Variants in TANGO6 observed in about 807,000 individuals in gnomAD.
The protein encoded by TANGO6 is transport and golgi organization 6 homolog.
TANGO6 carries 90 observed loss-of-function variants against 114.2 expected under a neutral mutation model. The ratio of observed to expected loss-of-function variants is 0.79; its 90% CI spans 0.66 to 0.94. The LOEUF (loss-of-function observed/expected upper bound fraction) is 0.94. TANGO6 is among the 40% of genes least tolerant of loss of function. The probability of loss-of-function intolerance (pLI) is 0.00; values close to 1 mark genes in which losing one functional copy is unlikely to be tolerated. For synonymous variants in TANGO6, 477 were observed against 509.8 expected (o/e 0.94, Z 0.87); for missense variants, 1,274 against 1,315.3 (o/e 0.97, Z 0.49).
At chr16:69,032,058 A>G (rs539690418) in intron 16 of TANGO6, among the ~76,000 whole-genome samples, 1 of 152,144 alleles carries the variant, frequency 6.6e-6, no homozygotes, top group Admixed American at 6.6e-5. Flanking sequence ...GTGAGTGCAG[A>G]GGCCCTGCGA....
chr16:69,006,017 C>T (rs964979507), intron 15 of TANGO6, among the ~76,000 whole-genome samples: 2 of 152,206 alleles, frequency 1.3e-5, no homozygotes, highest in African/African-American at 2.4e-5. Flanking sequence ...ATTAAATGGC[C>T]GGCTTTGAAG....
intron 17 of TANGO6, among the ~76,000 whole-genome samples, chr16:69,058,877 A>C (rs1436791741): frequency 6.7e-6 from 1 of 148,736 alleles, no homozygotes; most frequent in African/African-American, 2.5e-5. Flanking sequence ...CGTGTTAGCC[A>C]GAATGGTCTT....
chr16:68,934,278 TAAGC>T (rs1214948456), intron 14 of TANGO6, among the ~76,000 whole-genome samples: 1 of 152,002 alleles, frequency 6.6e-6, no homozygotes, highest in Admixed American at 6.6e-5. Flanking sequence ...CTCCTAGACT[TAAGC>T]AATCCTCTTA....
chr16:69,051,442 G>A (rs1432508943), intron 17 of TANGO6, among the ~76,000 whole-genome samples: 1 of 152,222 alleles, frequency 6.6e-6, no homozygotes, highest in African/African-American at 2.4e-5. Context: ...TTGGGAGGCT[G>A]AGGTGGGCAG....
chr16:68,898,122 A>G (rs1305865014), intron 7 of TANGO6, among the ~76,000 whole-genome samples: 1 of 152,072 alleles, frequency 6.6e-6, no homozygotes, highest in Non-Finnish European at 1.5e-5. Flanking sequence ...AAAGCCGAAC[A>G]ATAGGTCTTT....
At chr16:68,981,490 C>T (rs1047978292) in intron 15 of TANGO6, among the ~76,000 whole-genome samples, 1 of 152,092 alleles carries the variant, frequency 6.6e-6, no homozygotes, top group South Asian at 2.1e-4. Flanking sequence ...GAATTACAGG[C>T]GTGAGCCACT....
At chr16:69,000,174 A>G (rs1470972318) in intron 15 of TANGO6, among the ~76,000 whole-genome samples, 1 of 152,222 alleles carries the variant, frequency 6.6e-6, no homozygotes, top group East Asian at 1.9e-4. Flanking sequence ...ATTTTGGAAC[A>G]CATACCAGTA....
chr16:68,859,000 A>T (rs560760747), intron 1 of TANGO6, among the ~76,000 whole-genome samples: 1 of 152,156 alleles, frequency 6.6e-6, no homozygotes, highest in African/African-American at 2.4e-5. Context: ...TCTTAATGCC[A>T]TTGTAGTCAG....
intron 15 of TANGO6, among the ~76,000 whole-genome samples, chr16:68,998,707 G>A (rs1160181641): frequency 1.3e-5 from 2 of 150,396 alleles, no homozygotes; most frequent in Admixed American, 1.3e-4. Context: ...CTCCAGCCTG[G>A]GTGACAGAGT....
intron 17 of TANGO6, among the ~76,000 whole-genome samples, chr16:69,048,513 C>T (rs1959897508): frequency 6.6e-6 from 1 of 152,018 alleles, no homozygotes; most frequent in African/African-American, 2.4e-5. Flanking sequence ...AAGCAATCCT[C>T]CTGCCTTAGC....
intron 15 of TANGO6, among the ~76,000 whole-genome samples, chr16:68,977,429 C>A (rs1228707238): frequency 2.7e-5 from 4 of 150,578 alleles, no homozygotes; most frequent in Non-Finnish European, 5.9e-5. Flanking sequence ...CGTGGTGGCT[C>A]ACGCCTGTAA....
chr16:69,043,823 A>G (rs1216775678), intron 17 of TANGO6, among the ~76,000 whole-genome samples: 1 of 152,158 alleles, frequency 6.6e-6, no homozygotes, highest in Non-Finnish European at 1.5e-5. Context: ...CTCCCAAGCT[A>G]TAGAGTGCCA....
chr16:68,849,061 G>A (rs190755655), intron 1 of TANGO6, among the ~76,000 whole-genome samples: 2 of 152,330 alleles, frequency 1.3e-5, no homozygotes, highest in East Asian at 3.9e-4. Flanking sequence ...TGGGCCGAGT[G>A]CAGTGGCTAA....
At chr16:69,006,276 G>A (rs1376606703) in intron 15 of TANGO6, among the ~76,000 whole-genome samples, 1 of 152,122 alleles carries the variant, frequency 6.6e-6, no homozygotes, top group Non-Finnish European at 1.5e-5. Flanking sequence ...TGGTCTCTGA[G>A]TTTTTGGGAG....
intron 16 of TANGO6, among the ~76,000 whole-genome samples, chr16:69,025,468 CA>C (rs1394058414): frequency 1.3e-5 from 2 of 151,920 alleles, no homozygotes; most frequent in Non-Finnish European, 2.9e-5. Flanking sequence ...TGTGAGTATG[CA>C]AAAAAGGTTA....
chr16:69,062,022 A>C (rs910472271), intron 17 of TANGO6, among the ~76,000 whole-genome samples: 1 of 152,222 alleles, frequency 6.6e-6, no homozygotes, highest in Non-Finnish European at 1.5e-5. Context: ...TCCATCTCAA[A>C]AAAGAAAAAA....
At chr16:68,875,426 A>T in intron 5 of TANGO6, 136 bp downstream of exon 5, 1 of 1,117,542 alleles carries the variant, frequency 8.9e-7, no homozygotes, top group Non-Finnish European at 1.2e-6. Context: ...AGCCTTCTTA[A>T]TAAATGAATA....
chr16:69,024,752 T>C (rs1448347694), intron 16 of TANGO6, among the ~76,000 whole-genome samples: 1 of 152,202 alleles, frequency 6.6e-6, no homozygotes, highest in African/African-American at 2.4e-5. Context: ...TTAAGTTTTT[T>C]TTTGGAAGAA....
chr16:69,043,226 T>A (rs1959799738), intron 17 of TANGO6, among the ~76,000 whole-genome samples: 2 of 151,678 alleles, frequency 1.3e-5, no homozygotes, highest in African/African-American at 4.8e-5. Context: ...ACTCTGTAAG[T>A]GCACACACCC....
Sources: allele counts gnomAD v4.1 joint callset (sites outside exome capture counted in the v4.1 genomes callset), GRCh38; gene constraint gnomAD v4.1.1; transcripts MANE v1.5; gene names NCBI Gene and HGNC (gene_info 2026-07-23, HGNC 2026-07-21).